MYO9A: variants seen among roughly 807,000 people sequenced by gnomAD.
MYO9A encodes the protein unconventional myosin-IXa.
A neutral mutation model predicts 293.3 loss-of-function variants in MYO9A; 103 were observed. That is an observed-to-expected ratio of 0.35 (90% CI 0.30 to 0.41). The LOEUF is 0.41. Ranked by LOEUF, MYO9A falls within the 10% of genes least tolerant of loss-of-function variation. The probability of loss-of-function intolerance (pLI) is 1.00; values close to 1 mark genes in which losing one functional copy is unlikely to be tolerated. For missense variants in MYO9A, 2,685 were observed against 3,033.0 expected, an observed-to-expected ratio of 0.89 and a Z score of 2.69; for synonymous variants, 1,001 against 1,035.7, an observed-to-expected ratio of 0.97 and a Z score of 0.64.
In MYO9A at chr15:71,929,439, C is replaced by T. The variant is rs1254409579; in HGVS notation, c.2562+4231G>A. On this transcript the variant is annotated intron_variant, in intron 18 of 41. Transcript: ENST00000356056. ...TGTCAGCTGTGGGCTTGTCACATATCGCCTAATTATATTGAGGAACAGTCC... is the reference window on the plus strand; with the variant it reads ...TGTCAGCTGTGGGCTTGTCACATATTGCCTAATTATATTGAGGAACAGTCC... Among the ~76,000 whole-genome samples the T allele has an allele frequency of 2.6e-5, 4 of 152,126 alleles. No homozygotes were observed. The South Asian group carries it at 6.2e-4, about 24-fold the overall frequency.
intron 16 of MYO9A, among the ~76,000 whole-genome samples, chr15:71,936,032 A>G (rs563846325): frequency 3.7e-4 from 56 of 152,218 alleles, no homozygotes; most frequent in African/African-American, 1.3e-3. Context: ...TTGTAACATC[A>G]TAATTAATGG....
intron 2 of MYO9A, among the ~76,000 whole-genome samples, chr15:72,042,505 C>A (rs1419407995): frequency 6.6e-6 from 1 of 151,938 alleles, no homozygotes; most frequent in Non-Finnish European, 1.5e-5. Context: ...CAGAAGGGAT[C>A]AAGCTCAATG....
intron 18 of MYO9A, among the ~76,000 whole-genome samples, chr15:71,925,506 T>C (rs1355139765): frequency 1.3e-5 from 2 of 152,004 alleles, no homozygotes; most frequent in African/African-American, 4.8e-5. Flanking sequence ...TTTGGTGGTT[T>C]TCTGGAGAGT....
At chr15:71,877,736 G>C (rs1490730834) in intron 31 of MYO9A, among the ~76,000 whole-genome samples, 1 of 152,154 alleles carries the variant, frequency 6.6e-6, no homozygotes, top group Non-Finnish European at 1.5e-5. Flanking sequence ...GGGATTACAG[G>C]CATGAGCCAC....
intron 14 of MYO9A, among the ~76,000 whole-genome samples, chr15:71,956,056 A>G (rs2059168370): frequency 6.6e-6 from 1 of 150,736 alleles, no homozygotes; most frequent in Non-Finnish European, 1.5e-5. Flanking sequence ...AATCCCAGAC[A>G]CTCGGGGGGA....
At chr15:71,888,365 T>C (rs2142917433) in intron 26 of MYO9A, 1 of 232,516 alleles carries the variant, frequency 4.3e-6, no homozygotes, top group East Asian at 9.0e-5. Context: ...TAAAAAAGAA[T>C]CTCAAGTGGA....
chr15:71,844,349 A>G (rs1596011568), intron 39 of MYO9A, among the ~76,000 whole-genome samples: 2 of 152,192 alleles, frequency 1.3e-5, no homozygotes, highest in East Asian at 1.9e-4. Flanking sequence ...AAGGAAGTCT[A>G]TATATGATTC....
intron 4 of MYO9A, among the ~76,000 whole-genome samples, chr15:72,023,232 A>T (rs2077557118): frequency 6.6e-6 from 1 of 152,216 alleles, no homozygotes; most frequent in Admixed American, 6.5e-5. Context: ...AAAAATCAAC[A>T]AACATGAAGA....
chr15:72,066,691 A>C (rs2079032906), intron 1 of MYO9A, among the ~76,000 whole-genome samples: 1 of 152,126 alleles, frequency 6.6e-6, no homozygotes, highest in Admixed American at 6.6e-5. Context: ...TCTATATCTT[A>C]ATATGGGTGG....
At chr15:72,059,254 A>T (rs2078811298) in intron 1 of MYO9A, among the ~76,000 whole-genome samples, 1 of 152,240 alleles carries the variant, frequency 6.6e-6, no homozygotes, top group African/African-American at 2.4e-5. Flanking sequence ...GTACCAAAGC[A>T]TTACTGCATG....
intron 14 of MYO9A, among the ~76,000 whole-genome samples, chr15:71,954,598 C>G (rs766597467): frequency 2.6e-5 from 4 of 152,194 alleles, no homozygotes; most frequent in Non-Finnish European, 5.9e-5. Flanking sequence ...TGACATTATG[C>G]ACCAAACACA....
In MYO9A at chr15:71,968,143, GA is replaced by G. The variant is rs67633003; in HGVS notation, c.1845-19del. On this transcript the variant is annotated intron_variant, in intron 12 of 41. Coordinates refer to ENST00000356056, the MANE Select transcript of MYO9A (RefSeq NM_006901.4). ...GTGGAAAGCTGAATTAAAAAAAAAA[GA>G]AAAAATATCATTACAGAAAGATGAG... 4.6e-6 allele frequency: 7 copies of G among 1,525,400 alleles called. No homozygotes were observed. Among genetic ancestry groups the G allele is most frequent in the African/African-American group, 1.4e-5 (1 of 71,386 alleles). 94.5% of individuals were successfully genotyped at this position (1,525,400 alleles called of 1,614,324 possible). A position where few individuals can be genotyped will look rare whatever the true frequency, so the allele number is the denominator to read the frequency against.
intron 8 of MYO9A, among the ~76,000 whole-genome samples, chr15:72,005,208 C>T (rs2076981561): frequency 6.6e-6 from 1 of 152,148 alleles, no homozygotes; most frequent in African/African-American, 2.4e-5. Flanking sequence ...ATTTAAGAAG[C>T]CAGGGTTCAA....
At chr15:72,027,667 T>A in intron 4 of MYO9A, 64 bp downstream of exon 4, 5 of 1,284,460 alleles carry the variant, frequency 3.9e-6, no homozygotes, top group Middle Eastern at 3.8e-4. Flanking sequence ...CACAAAGACC[T>A]TAAAAGTCAG....
chr15:71,976,034 A>G (rs1171719355), intron 12 of MYO9A, among the ~76,000 whole-genome samples: 1 of 152,154 alleles, frequency 6.6e-6, no homozygotes, highest in East Asian at 1.9e-4. Context: ...ATTGAACTCA[A>G]GGAGAACCTG....
At chr15:71,985,583 T>G (rs1267107646) in intron 11 of MYO9A, among the ~76,000 whole-genome samples, 2 of 152,082 alleles carry the variant, frequency 1.3e-5, no homozygotes, top group African/African-American at 4.8e-5. Context: ...TATTTTTGAG[T>G]CAGAAGAAAA....
intron 39 of MYO9A, among the ~76,000 whole-genome samples, chr15:71,840,335 T>C (rs754680844): frequency 2.6e-5 from 4 of 152,184 alleles, no homozygotes; most frequent in Non-Finnish European, 5.9e-5. Flanking sequence ...AGATAACTCA[T>C]TGATGGTTGT....
At chr15:71,828,471 T>C (rs2140488666) in intron 40 of MYO9A, among the ~76,000 whole-genome samples, 1 of 152,320 alleles carries the variant, frequency 6.6e-6, no homozygotes, top group South Asian at 2.1e-4. Flanking sequence ...CTATTTTCCA[T>C]GAAGCTTACT....
rs2057914108 is a variant in MYO9A at position 71,913,285 on chromosome 15, T to G, written c.2685+3085A>C. Among the ~76,000 whole-genome samples, 2 of 152,144 alleles carry G rather than the reference T, an allele frequency of 1.3e-5. 1 individual carries two copies. The highest frequency in any genetic ancestry group is 4.1e-4 in the South Asian group (2 of 4,830). ...GTTTTTTATTGTCAAATATTACATA[T>G]TTAATCTCTAAAAGTTCCATTTGAG... is the stretch of plus-strand genomic sequence containing the variant. On this transcript the variant is annotated intron_variant, in intron 19 of 41. Transcript: ENST00000356056.
Sources: gnomAD v4.1 joint callset for allele counts (sites outside exome capture counted in the v4.1 genomes callset) on GRCh38, gnomAD v4.1.1 for gene constraint, MANE v1.5 for transcripts, NCBI Gene and HGNC (gene_info 2026-07-23, HGNC 2026-07-21) for gene names.